Variants in TLL1 observed in about 807,000 individuals in gnomAD.
TLL1 encodes tolloid-like protein 1.
In TLL1, 49 loss-of-function variants were observed where a neutral mutation model predicts 128.2. That is an observed-to-expected ratio of 0.38 (90% CI 0.30 to 0.48). The LOEUF (loss-of-function observed/expected upper bound fraction) is 0.48. Ranked by LOEUF, TLL1 falls within the 20% of genes least tolerant of loss-of-function variation. The pLI is 0.96. For missense variants in TLL1, 1,123 were observed against 1,242.0 expected (o/e 0.90, Z 1.44); for synonymous variants, 454 against 418.8 (o/e 1.08, Z -1.03).
chr4:165,952,100 A>C (rs1734553871), intron 1 of TLL1, among the ~76,000 whole-genome samples: 3 of 152,162 alleles, frequency 2.0e-5, no homozygotes, highest in Admixed American at 2.0e-4. Context: ...TGTGGTACAA[A>C]TATTTCCCAT....
intron 9 of TLL1, among the ~76,000 whole-genome samples, chr4:166,033,431 A>T (rs1350659215): frequency 6.6e-6 from 1 of 152,180 alleles, no homozygotes; most frequent in Admixed American, 6.5e-5. Context: ...TATATAAGAA[A>T]ATGATGCTTA....
At chr4:166,080,146 G>A (rs1741220009) in intron 18 of TLL1, among the ~76,000 whole-genome samples, 1 of 152,080 alleles carries the variant, frequency 6.6e-6, no homozygotes. Context: ...AGTGTCTGGT[G>A]AGGCCTCTCT....
chr4:166,030,959 A>T, intron 9 of TLL1: 1 of 973,182 alleles, frequency 1.0e-6, no homozygotes, highest in Non-Finnish European at 1.2e-6. Context: ...TTGCAAAAAT[A>T]CCTTCATTTC....
rs183284459 is a variant in TLL1 at position 165,884,063 on chromosome 4, C to G, written c.169+9990C>G. Among the ~76,000 whole-genome samples, 19 of 152,262 alleles carry G rather than the reference C, an allele frequency of 1.2e-4. No homozygotes were observed. The East Asian group carries it at 3.5e-3, about 28-fold the overall frequency. ...CACAGAGCTAAGTTTGAGCACATGG[C>G]TCTAAACTACAAATATTCATTAATT... On this transcript the variant is annotated intron_variant, in intron 1 of 20. Transcript: ENST00000061240.
intron 12 of TLL1, among the ~76,000 whole-genome samples, chr4:166,049,686 A>G (rs1739623323): frequency 6.6e-6 from 1 of 150,548 alleles, no homozygotes; most frequent in Admixed American, 6.6e-5. Context: ...CTACTAATAA[A>G]TATTATTAAA....
intron 9 of TLL1, among the ~76,000 whole-genome samples, chr4:166,032,523 C>T (rs1738817468): frequency 6.6e-6 from 1 of 151,972 alleles, no homozygotes; most frequent in Non-Finnish European, 1.5e-5. Context: ...CAGAATTATG[C>T]CTGAGGGCAT....
chr4:166,029,685 T>C (rs895003113), intron 9 of TLL1, among the ~76,000 whole-genome samples: 4 of 152,104 alleles, frequency 2.6e-5, no homozygotes, highest in African/African-American at 9.6e-5. Context: ...CATCCCTTTG[T>C]GCCTGGCAAT....
intron 1 of TLL1, among the ~76,000 whole-genome samples, chr4:165,983,227 G>A (rs894301069): frequency 2.3e-4 from 35 of 151,934 alleles, no homozygotes; most frequent in African/African-American, 8.4e-4. Flanking sequence ...AAAATGTCCT[G>A]AGAAATCCTA....
chr4:165,908,372 T>A (rs568921829), intron 1 of TLL1, among the ~76,000 whole-genome samples: 72 of 152,096 alleles, frequency 4.7e-4, no homozygotes, highest in African/African-American at 7.2e-4. Flanking sequence ...GGAGGATCAC[T>A]TGAGCCCAGG....
intron 17 of TLL1, 73 bp downstream of exon 17, chr4:166,075,076 G>T: frequency 6.3e-7 from 1 of 1,590,574 alleles, no homozygotes; most frequent in Non-Finnish European, 8.6e-7. Flanking sequence ...CTGCTTCCAA[G>T]TAGAGTTAAT....
At chr4:165,898,360 G>T (rs1487976385) in intron 1 of TLL1, among the ~76,000 whole-genome samples, 1 of 152,252 alleles carries the variant, frequency 6.6e-6, no homozygotes, top group Admixed American at 6.5e-5. Context: ...GATATTGGCT[G>T]TGGGTTTTTC....
intron 3 of TLL1, 60 bp downstream of exon 3, chr4:165,992,944 T>A (rs1736713608): frequency 7.5e-7 from 1 of 1,329,988 alleles, no homozygotes; most frequent in South Asian, 1.2e-5. Flanking sequence ...ATTATACTCA[T>A]AGCAGTTCAG....
intron 1 of TLL1, among the ~76,000 whole-genome samples, chr4:165,968,088 T>G (rs1285689548): frequency 1.3e-5 from 2 of 152,188 alleles, no homozygotes. Flanking sequence ...GCACATACAG[T>G]GCGGCTTTTC....
chr4:165,877,294 G>A (rs147435355), intron 1 of TLL1, among the ~76,000 whole-genome samples: 4 of 152,284 alleles, frequency 2.6e-5, no homozygotes, highest in African/African-American at 7.2e-5. Flanking sequence ...GCACAGCTGC[G>A]GATATATTTA....
chr4:165,958,743 T>C (rs1424553712), intron 1 of TLL1, among the ~76,000 whole-genome samples: 1 of 147,964 alleles, frequency 6.8e-6, no homozygotes, highest in Non-Finnish European at 1.5e-5. Context: ...ATTTTGTCTT[T>C]TGTTGCCATT....
chr4:166,051,964 C>T (rs765892214), intron 12 of TLL1, among the ~76,000 whole-genome samples: 2 of 152,002 alleles, frequency 1.3e-5, no homozygotes, highest in Non-Finnish European at 2.9e-5. Flanking sequence ...CTTTGTGTAT[C>T]ATATAAAATA....
At chr4:166,050,672 G>A (rs1223129922) in intron 12 of TLL1, among the ~76,000 whole-genome samples, 1 of 152,100 alleles carries the variant, frequency 6.6e-6, no homozygotes, top group Non-Finnish European at 1.5e-5. Context: ...TCCCAAGCCT[G>A]GCCATGACCC....
chr4:165,892,339 A>G (rs1445391909), intron 1 of TLL1, among the ~76,000 whole-genome samples: 2 of 152,198 alleles, frequency 1.3e-5, no homozygotes, highest in Non-Finnish European at 2.9e-5. Context: ...CCTCAAAGGA[A>G]ATCTTATGCT....
At chr4:165,941,255 A>C (rs1410175528) in intron 1 of TLL1, among the ~76,000 whole-genome samples, 1 of 151,826 alleles carries the variant, frequency 6.6e-6, no homozygotes, top group Admixed American at 6.6e-5. Context: ...GATGATTTCT[A>C]CTCCTTATTT....
Sources: gnomAD v4.1 joint callset for allele counts (sites outside exome capture counted in the v4.1 genomes callset) on GRCh38, gnomAD v4.1.1 for gene constraint, MANE v1.5 for transcripts, NCBI Gene and HGNC (gene_info 2026-07-23, HGNC 2026-07-21) for gene names.